MYCBP2: variants seen among roughly 807,000 people sequenced by gnomAD.
MYCBP2 encodes the protein MYC binding protein 2, also known as E3 ubiquitin-protein ligase MYCBP2.
A neutral mutation model predicts 525.3 loss-of-function variants in MYCBP2; 120 were observed. The ratio of observed to expected loss-of-function variants is 0.23; its 90% CI spans 0.20 to 0.27. MYCBP2 has a LOEUF of 0.27. Among genes scored for constraint, MYCBP2 ranks in the 10% least tolerant of loss-of-function variants. The pLI is 1.00. For synonymous variants in MYCBP2, 1,894 were observed against 1,955.8 expected (o/e 0.97, Z 0.83); for missense variants, 4,149 against 5,657.1 (o/e 0.73, Z 8.55).
intron 55 of MYCBP2, among the ~76,000 whole-genome samples, chr13:77,100,553 T>C (rs1222582043): frequency 6.6e-6 from 1 of 152,090 alleles, no homozygotes; most frequent in East Asian, 1.9e-4. Context: ...CATTAGTTAT[T>C]GATGTGCAAG....
intron 12 of MYCBP2, 26 bp from the exon 13 acceptor site, chr13:77,260,618 C>A (rs772465119): frequency 2.5e-5 from 38 of 1,539,118 alleles, no homozygotes; most frequent in Non-Finnish European, 3.3e-5. Context: ...TAGATTAAAT[C>A]AAGACCTCTA....
At chr13:77,246,469 A>C (rs1567038840) in intron 15 of MYCBP2, among the ~76,000 whole-genome samples, 1 of 151,896 alleles carries the variant, frequency 6.6e-6, no homozygotes, top group Non-Finnish European at 1.5e-5. Flanking sequence ...AAGAAGAAGA[A>C]AGAAGAGAAG....
intron 12 of MYCBP2, 147 bp from the exon 13 acceptor site, chr13:77,260,739 A>T (rs898658062): frequency 1.8e-5 from 12 of 658,178 alleles, no homozygotes; most frequent in Non-Finnish European, 2.9e-5. Flanking sequence ...GCTTCCCAAC[A>T]TGTCATTTAA....
chr13:77,052,139 C>T (rs1275534004), intron 80 of MYCBP2, among the ~76,000 whole-genome samples: 2 of 151,468 alleles, frequency 1.3e-5, no homozygotes, highest in South Asian at 2.1e-4. Flanking sequence ...TTCTTTCTTC[C>T]CCTCCTACCT....
Position 77,180,261 on chromosome 13 carries a change from C to T in MYCBP2, c.4999G>A (p.Val1667Ile). Residue 1667 changes from valine to isoleucine, a missense_variant, in exon 34 of 83, where the codon GTC (valine) becomes ATC (isoleucine). Transcript: ENST00000544440. The stretch of plus-strand genomic sequence containing the variant: ...TTCCTGACTGGTAGCACAACAATGA[C>T]CAGCATTTTCTCCAGAACTTCACGG... ...SFREVLEKML[V>I]IVVLPVRNSL... The T allele has an allele frequency of 2.5e-6, 4 of 1,614,144 alleles. No individual in the cohort carries two copies. Among genetic ancestry groups the T allele is most frequent in the Non-Finnish European group, 3.4e-6 (4 of 1,180,010 alleles).
chr13:77,294,133 T>TATATATATATATAC (rs2077902143), intron 2 of MYCBP2, among the ~76,000 whole-genome samples: 1 of 127,272 alleles, frequency 7.9e-6, no homozygotes, highest in African/African-American at 2.8e-5. Flanking sequence ...TATATATACA[T>TATATATATATATAC]ATATATATAC....
intron 29 of MYCBP2, 116 bp from the exon 30 acceptor site, chr13:77,189,163 G>T: frequency 1.6e-6 from 1 of 621,930 alleles, no homozygotes; most frequent in Non-Finnish European, 2.4e-6. Context: ...AAATTTTTTT[G>T]CCAGGTAATG....
chr13:77,261,415 G>A, intron 11 of MYCBP2, 40 bp from the exon 12 acceptor site: 2 of 1,427,482 alleles, frequency 1.4e-6, no homozygotes, highest in South Asian at 1.3e-5. Context: ...GGTACTTTTT[G>A]GAATAGTGCA....
At chr13:77,253,872 A>G (rs1253287622) in intron 14 of MYCBP2, among the ~76,000 whole-genome samples, 1 of 152,002 alleles carries the variant, frequency 6.6e-6, no homozygotes, top group African/African-American at 2.4e-5. Context: ...AAAATCCAGT[A>G]AAACTGAAAT....
intron 29 of MYCBP2, among the ~76,000 whole-genome samples, chr13:77,189,873 C>T (rs953932945): frequency 5.3e-5 from 8 of 152,088 alleles, no homozygotes; most frequent in Non-Finnish European, 1.2e-4. Flanking sequence ...ATATATCAAC[C>T]AGGCCTGCAT....
At chr13:77,259,524 G>A (rs908653759) in intron 13 of MYCBP2, among the ~76,000 whole-genome samples, 1 of 152,100 alleles carries the variant, frequency 6.6e-6, no homozygotes, top group Non-Finnish European at 1.5e-5. Context: ...TTTTTAAACT[G>A]TACAAGAACC....
intron 23 of MYCBP2, among the ~76,000 whole-genome samples, chr13:77,208,594 CA>C (rs1012976723): frequency 5.3e-5 from 8 of 151,876 alleles, no homozygotes; most frequent in Admixed American, 5.2e-4. Context: ...TATTTTTGAG[CA>C]AAAAATCTAA....
At chr13:77,318,877 A>T (rs986122541) in intron 1 of MYCBP2, among the ~76,000 whole-genome samples, 2 of 152,212 alleles carry the variant, frequency 1.3e-5, no homozygotes, top group African/African-American at 4.8e-5. Flanking sequence ...CCTGTTCCAC[A>T]CTGATTTTTG....
At chr13:77,199,190 T>C (rs1394928690) in intron 26 of MYCBP2, among the ~76,000 whole-genome samples, 3 of 152,208 alleles carry the variant, frequency 2.0e-5, no homozygotes, top group Non-Finnish European at 2.9e-5. Context: ...GTGCGCACCA[T>C]GCGCGAGCTG....
intron 26 of MYCBP2, among the ~76,000 whole-genome samples, chr13:77,202,278 C>G (rs558296778): frequency 6.6e-6 from 1 of 152,326 alleles, no homozygotes; most frequent in South Asian, 2.1e-4. Context: ...CGCAAATAAA[C>G]TAGAAAATCT....
intron 72 of MYCBP2, among the ~76,000 whole-genome samples, chr13:77,065,650 G>C (rs1043714549): frequency 6.6e-6 from 1 of 152,204 alleles, no homozygotes; most frequent in Non-Finnish European, 1.5e-5. Context: ...AGGAGAATGA[G>C]AAACTTCCAC....
At chr13:77,248,884 G>A (rs1000057404) in intron 15 of MYCBP2, among the ~76,000 whole-genome samples, 5 of 152,236 alleles carry the variant, frequency 3.3e-5, no homozygotes, top group African/African-American at 1.2e-4. Flanking sequence ...GTGAGTGAAT[G>A]GATAAGCAAA....
chr13:77,140,054 A>G lies in MYCBP2; in HGVS notation c.7511T>C (p.Ile2504Thr). The change falls in exon 51 of 83, where the codon ATT becomes ACT. Residue 2504 changes from isoleucine (I) to threonine (T), a missense_variant. By Grantham distance (89) the Ile-to-Thr change is moderately conservative. Coordinates refer to ENST00000544440, the MANE Select transcript of MYCBP2 (RefSeq NM_015057.5). The part of the protein sequence containing the change: ...IVKVNGTITF[I>T]DEIHNDDGVW... ...AGCTCCTTTATCAATTACCTCATCA[A>G]TAAAAGTGATAGTTCCATTGACTTT... 1.3e-6 allele frequency: 2 copies of G among 1,599,904 alleles called. No individual in the cohort carries two copies. The highest frequency in any genetic ancestry group is 8.5e-7 in the Non-Finnish European group (1 of 1,174,796).
intron 51 of MYCBP2, among the ~76,000 whole-genome samples, chr13:77,139,651 T>C (rs1290007042): frequency 6.6e-6 from 1 of 152,198 alleles, no homozygotes; most frequent in Non-Finnish European, 1.5e-5. Flanking sequence ...TTCCTTCCCT[T>C]ATATTTATAT....
Sources: gnomAD v4.1 joint callset for allele counts (sites outside exome capture counted in the v4.1 genomes callset) on GRCh38, gnomAD v4.1.1 for gene constraint, MANE v1.5 for transcripts, NCBI Gene and HGNC (gene_info 2026-07-23, HGNC 2026-07-21) for gene names.